The following GALNTL6 variants were observed in gnomAD, a reference collection of about 807,000 sequenced individuals.
GALNTL6 encodes polypeptide N-acetylgalactosaminyltransferase-like 6.
A neutral mutation model predicts 73.7 loss-of-function variants in GALNTL6; 46 were observed. That is an observed-to-expected ratio of 0.62 (90% CI 0.49 to 0.80). GALNTL6 has a LOEUF of 0.80. GALNTL6 is among the 30% of genes least tolerant of loss of function. The pLI, the probability that GALNTL6 is intolerant of heterozygous loss-of-function variation, is 0.00. For missense variants in GALNTL6, 604 were observed against 755.0 expected (o/e 0.80, Z 2.34); for synonymous variants, 259 against 263.7 (o/e 0.98, Z 0.17).
intron 2 of GALNTL6, among the ~76,000 whole-genome samples, chr4:172,147,769 G>A (rs1733965912): frequency 6.6e-6 from 1 of 152,076 alleles, no homozygotes; most frequent in African/African-American, 2.4e-5. Flanking sequence ...AAATAATACT[G>A]ATCCCTTGGG....
intron 5 of GALNTL6, among the ~76,000 whole-genome samples, chr4:172,546,817 TAC>T (rs1561131853): frequency 6.9e-4 from 11 of 15,902 alleles, no homozygotes; most frequent in African/African-American, 1.1e-3. Flanking sequence ...CGTATATATA[TAC>T]GTATATGTAT....
At chr4:171,960,440 G>A (rs1268500710) in intron 2 of GALNTL6, among the ~76,000 whole-genome samples, 2 of 151,706 alleles carry the variant, frequency 1.3e-5, no homozygotes, top group African/African-American at 4.8e-5. Flanking sequence ...ACCATGCTCA[G>A]TGAATTTTTG....
intron 5 of GALNTL6, among the ~76,000 whole-genome samples, chr4:172,620,425 T>G (rs1738909969): frequency 6.6e-6 from 1 of 152,204 alleles, no homozygotes; most frequent in Non-Finnish European, 1.5e-5. Context: ...TTTAAATGTT[T>G]CTATTATTTC....
intron 3 of GALNTL6, among the ~76,000 whole-genome samples, chr4:172,292,039 C>G (rs1739494792): frequency 6.6e-6 from 1 of 152,088 alleles, no homozygotes; most frequent in Non-Finnish European, 1.5e-5. Context: ...CTCACTCATA[C>G]ATTCATTGTA....
chr4:172,759,778 A>T lies in GALNTL6; in HGVS notation c.554-49583A>T, dbSNP rs116476322. The stretch of plus-strand genomic sequence containing the variant: ...TTTTCCTCATAAATCCTGCACCTGC[A>T]CTCTTTGAAATATTTATAGTCTTTT... On this transcript the variant is annotated intron_variant, in intron 5 of 12. Coordinates refer to ENST00000506823, the MANE Select transcript of GALNTL6 (RefSeq NM_001034845.3). 8.3e-3 allele frequency among the ~76,000 whole-genome samples: 1,160 copies of T among 139,494 alleles called. 10 individuals carry two copies. The highest frequency in any genetic ancestry group is 0.014 in the Non-Finnish European group (938 of 65,836). The allele number at this position is 139,494 out of a possible 152,430, so 91.5% of individuals were successfully genotyped here. A position where few individuals can be genotyped will look rare whatever the true frequency, so the allele number is the denominator to read the frequency against.
chr4:172,176,842 T>C (rs1156855744), intron 2 of GALNTL6, among the ~76,000 whole-genome samples: 1 of 152,130 alleles, frequency 6.6e-6, no homozygotes, highest in Non-Finnish European at 1.5e-5. Flanking sequence ...GAAACCTAGT[T>C]AGAGCTCTTC....
At chr4:172,797,712 T>G (rs551145887) in intron 5 of GALNTL6, among the ~76,000 whole-genome samples, 1 of 152,096 alleles carries the variant, frequency 6.6e-6, no homozygotes, top group Non-Finnish European at 1.5e-5. Flanking sequence ...CTAATTTTTG[T>G]ATTTTTAGTA....
chr4:172,684,013 C>A (rs1160706684), intron 5 of GALNTL6, among the ~76,000 whole-genome samples: 1 of 152,142 alleles, frequency 6.6e-6, no homozygotes, highest in African/African-American at 2.4e-5. Context: ...TCCAGCTTTG[C>A]GAATTATCTA....
At chr4:173,010,769 ATT>A (rs146884418) in intron 11 of GALNTL6, among the ~76,000 whole-genome samples, 14,342 of 125,706 alleles carry the variant, frequency 0.11, 1,171 homozygotes, top group African/African-American at 0.25. Context: ...TAATTTTTGT[ATT>A]TTTTTTTTTT....
chr4:172,671,873 G>C (rs1398667836), intron 5 of GALNTL6, among the ~76,000 whole-genome samples: 1 of 151,914 alleles, frequency 6.6e-6, no homozygotes, highest in Non-Finnish European at 1.5e-5. Context: ...TTGTTTTCTT[G>C]TTTGTTTCTT....
chr4:172,222,519 G>A (rs1285530088), intron 2 of GALNTL6, among the ~76,000 whole-genome samples: 1 of 151,664 alleles, frequency 6.6e-6, no homozygotes, highest in African/African-American at 2.4e-5. Context: ...CTGGGATGCT[G>A]AGGATTAAGG....
chr4:172,834,507 T>C (rs1193612838), intron 7 of GALNTL6, among the ~76,000 whole-genome samples: 1 of 152,184 alleles, frequency 6.6e-6, no homozygotes, highest in African/African-American at 2.4e-5. Context: ...GCTTGCAATG[T>C]CTTTGAAGGA....
At chr4:172,539,561 T>C (rs1407532339) in intron 5 of GALNTL6, among the ~76,000 whole-genome samples, 1 of 152,028 alleles carries the variant, frequency 6.6e-6, no homozygotes, top group African/African-American at 2.4e-5. Context: ...ATGGAATGCA[T>C]AGCTGGGGAG....
At chr4:172,037,634 G>A (rs866607235) in intron 2 of GALNTL6, among the ~76,000 whole-genome samples, 1 of 152,090 alleles carries the variant, frequency 6.6e-6, no homozygotes, top group Non-Finnish European at 1.5e-5. Flanking sequence ...AACTCTTGTA[G>A]TTATCTTTTT....
At chr4:172,094,370 C>A (rs933134400) in intron 2 of GALNTL6, among the ~76,000 whole-genome samples, 2 of 151,892 alleles carry the variant, frequency 1.3e-5, no homozygotes, top group Admixed American at 6.6e-5. Context: ...ATTTGTATTC[C>A]ATTATGTAAT....
chr4:171,870,051 A>G (rs1736092415), intron 2 of GALNTL6, among the ~76,000 whole-genome samples: 1 of 152,230 alleles, frequency 6.6e-6, no homozygotes, highest in Non-Finnish European at 1.5e-5. Flanking sequence ...TTGAATACAG[A>G]AATATGTTTT....
intron 5 of GALNTL6, among the ~76,000 whole-genome samples, chr4:172,767,595 G>A (rs1371286427): frequency 1.3e-5 from 2 of 150,580 alleles, no homozygotes; most frequent in African/African-American, 2.4e-5. Flanking sequence ...AACTAGAAAT[G>A]TATAACATTC....
intron 3 of GALNTL6, among the ~76,000 whole-genome samples, chr4:172,300,004 A>G (rs1306918874): frequency 1.3e-5 from 2 of 152,112 alleles, no homozygotes; most frequent in Admixed American, 6.5e-5. Context: ...TGGGAGTCTA[A>G]GTCTCTTTGT....
intron 2 of GALNTL6, among the ~76,000 whole-genome samples, chr4:171,967,946 C>T (rs528468711): frequency 3.3e-5 from 5 of 152,170 alleles, no homozygotes; most frequent in African/African-American, 1.2e-4. Context: ...TCCTAGGACG[C>T]CTGAAGCATA....
Sources: allele counts gnomAD v4.1 joint callset (sites outside exome capture counted in the v4.1 genomes callset), GRCh38; gene constraint gnomAD v4.1.1; transcripts MANE v1.5; gene names NCBI Gene and HGNC (gene_info 2026-07-23, HGNC 2026-07-21).